Variants in NTRK3 observed in about 807,000 individuals in gnomAD.
The protein encoded by NTRK3 is NT-3 growth factor receptor.
In NTRK3, 24 loss-of-function variants were observed where a neutral mutation model predicts 91.7. That is an observed-to-expected ratio of 0.26 (90% confidence interval 0.19 to 0.37). The LOEUF is 0.37. Ranked by LOEUF, NTRK3 falls within the 10% of genes least tolerant of loss-of-function variation. The pLI, the probability that NTRK3 is intolerant of heterozygous loss-of-function variation, is 1.00. For synonymous variants in NTRK3, 483 were observed against 404.0 expected (o/e 1.20, Z -2.34); for missense variants, 880 against 1,068.9 (o/e 0.82, Z 2.46).
In NTRK3 at chr15:87,954,007, A is replaced by AGTGTGTGT. The variant is rs61653896; in HGVS notation, c.1586-13262_1586-13255dup. Among the ~76,000 whole-genome samples the AGTGTGTGT allele has an allele frequency of 5.6e-3, 713 of 127,730 alleles. 7 individuals are homozygous for AGTGTGTGT. Among genetic ancestry groups the AGTGTGTGT allele is most frequent in the East Asian group, 0.044 (176 of 4,010 alleles). The allele number at this position is 127,730 out of a possible 152,430, so 83.8% of individuals were successfully genotyped here. A position where few individuals can be genotyped will look rare whatever the true frequency, so the allele number is the denominator to read the frequency against. On this transcript the variant is annotated intron_variant, in intron 14 of 18. Coordinates refer to ENST00000394480, the Ensembl canonical transcript of NTRK3. ...TGCTCTGCTCCTGCCAGACCTTTTC[A>AGTGTGTGT]GTGTGTGTGTGTGTGTGTGTGTGTG...
At chr15:88,113,541 C>G (rs1316669017) in intron 13 of NTRK3, among the ~76,000 whole-genome samples, 2 of 152,080 alleles carry the variant, frequency 1.3e-5, no homozygotes, top group Non-Finnish European at 2.9e-5. Context: ...GTCTCAAACT[C>G]TTGACCTCAG....
At chr15:88,141,786 G>T (rs1427625667) in intron 6 of NTRK3, among the ~76,000 whole-genome samples, 2 of 152,222 alleles carry the variant, frequency 1.3e-5, no homozygotes, top group African/African-American at 4.8e-5. Context: ...CAGAGAATTA[G>T]GTGAGATGTT....
chr15:88,015,779 T>C (rs2077193071), intron 14 of NTRK3, among the ~76,000 whole-genome samples: 1 of 152,132 alleles, frequency 6.6e-6, no homozygotes, highest in Non-Finnish European at 1.5e-5. Context: ...GCAAAAATCA[T>C]CTTTGTACTC....
intron 13 of NTRK3, among the ~76,000 whole-genome samples, chr15:88,125,811 CCATT>C (rs1414512337): frequency 4.0e-5 from 6 of 150,820 alleles, no homozygotes; most frequent in Admixed American, 6.6e-5. Flanking sequence ...TGCTGAGATC[CCATT>C]GCATGGGCAG....
chr15:88,000,598 T>C (rs2076033988), intron 14 of NTRK3, among the ~76,000 whole-genome samples: 4 of 152,186 alleles, frequency 2.6e-5, no homozygotes. Flanking sequence ...TCATAGAAAT[T>C]GAATCATTAA....
chr15:88,010,433 T>G (rs2076796943), intron 14 of NTRK3, among the ~76,000 whole-genome samples: 1 of 152,212 alleles, frequency 6.6e-6, no homozygotes, highest in African/African-American at 2.4e-5. Context: ...ATGAGTATCC[T>G]GGGGAAAGGA....
intron 3 of NTRK3, among the ~76,000 whole-genome samples, chr15:88,203,024 C>A (rs961838101): frequency 1.3e-5 from 2 of 152,160 alleles, no homozygotes; most frequent in South Asian, 2.1e-4. Context: ...GTGGCCAGCA[C>A]CTGCTTCTCT....
chr15:88,072,322 C>A, intron 13 of NTRK3: 2 of 190,154 alleles, frequency 1.1e-5, no homozygotes, highest in Non-Finnish European at 2.2e-5. Context: ...CCTTTTCATA[C>A]TCCCCTCAGG....
intron 14 of NTRK3, among the ~76,000 whole-genome samples, chr15:87,996,135 T>C (rs2075682222): frequency 6.6e-6 from 1 of 151,886 alleles, no homozygotes; most frequent in Non-Finnish European, 1.5e-5. Flanking sequence ...TCCCAGCTAC[T>C]TGGGAGGCTG....
chr15:88,128,293 T>A (rs1206309943), intron 11 of NTRK3, among the ~76,000 whole-genome samples: 1 of 152,102 alleles, frequency 6.6e-6, no homozygotes, highest in Non-Finnish European at 1.5e-5. Flanking sequence ...ATGAGGCGAG[T>A]CCTGGCCAAG....
At chr15:88,226,661 A>G (rs187225451) in intron 3 of NTRK3, among the ~76,000 whole-genome samples, 142 of 152,320 alleles carry the variant, frequency 9.3e-4, no homozygotes, top group African/African-American at 3.1e-3. Context: ...CACGGCCCCT[A>G]TGGCTGATGC....
chr15:88,189,343 T>C (rs1004405973), intron 3 of NTRK3, among the ~76,000 whole-genome samples: 4 of 152,210 alleles, frequency 2.6e-5, no homozygotes. Flanking sequence ...GGACATGGCA[T>C]AAATTAAATA....
At chr15:87,881,428 T>C (rs1256106963) in intron 17 of NTRK3, among the ~76,000 whole-genome samples, 3 of 149,534 alleles carry the variant, frequency 2.0e-5, no homozygotes, top group Non-Finnish European at 4.5e-5. Flanking sequence ...TTTATTTATT[T>C]ATTTATTTTG....
chr15:88,251,554 C>A (rs973368641), intron 3 of NTRK3, among the ~76,000 whole-genome samples: 2 of 152,242 alleles, frequency 1.3e-5, no homozygotes, highest in Non-Finnish European at 2.9e-5. Context: ...TGCAAGCCAC[C>A]CATGGGAGCA....
intron 10 of NTRK3, among the ~76,000 whole-genome samples, chr15:88,132,498 G>A (rs113229870): frequency 0.017 from 2,577 of 152,306 alleles, 47 homozygotes; most frequent in Middle Eastern, 0.027. Context: ...GGGCTATCTG[G>A]GAGGGGCCAC....
In NTRK3 at chr15:88,255,298, G is replaced by T. The variant is rs1305539356; in HGVS notation, c.248+608C>A. Among the ~76,000 whole-genome samples the T allele has an allele frequency of 1.3e-5, 2 of 152,144 alleles. No homozygotes were observed. The highest frequency in any genetic ancestry group is 4.8e-5 in the African/African-American group (2 of 41,430). On this transcript the variant is annotated intron_variant, in intron 3 of 18. Transcript: ENST00000394480. This position sits in a 1 kb window ranked among gnomAD's most constrained non-coding sequence, Gnocchi z 4.3. ...CTGGAGAGGGCGGGCTGCAGGAGGG[G>T]AAGGGAAGAGGTAGGCGTCCATGAC... is the stretch of plus-strand genomic sequence containing the variant.
exon 19 of NTRK3, chr15:87,867,070 G>A (rs1350093041): frequency 2.2e-5 from 5 of 224,126 alleles, no homozygotes; most frequent in African/African-American, 1.1e-4. Flanking sequence ...CAAGCCAGAA[G>A]GATGGTTTGA....
chr15:88,068,230 G>A (rs1421737777), intron 13 of NTRK3, among the ~76,000 whole-genome samples: 4 of 152,038 alleles, frequency 2.6e-5, no homozygotes, highest in African/African-American at 7.2e-5. Flanking sequence ...CCAGGAGTTC[G>A]AGACCAGCCT....
chr15:88,220,999 C>T (rs1324775021), intron 3 of NTRK3, among the ~76,000 whole-genome samples: 2 of 152,202 alleles, frequency 1.3e-5, no homozygotes, highest in Non-Finnish European at 2.9e-5. Flanking sequence ...CAGTTCTCTG[C>T]ATTTTTAACA....
Sources: allele counts gnomAD v4.1 joint callset (sites outside exome capture counted in the v4.1 genomes callset), GRCh38; gene constraint gnomAD v4.1.1; non-coding constraint Gnocchi (gnomAD v3.1); transcripts MANE v1.5; gene names NCBI Gene and HGNC (gene_info 2026-07-23, HGNC 2026-07-21).